PTPRE: variants seen among roughly 807,000 people sequenced by gnomAD.
The protein encoded by PTPRE is receptor-type tyrosine-protein phosphatase epsilon.
In PTPRE, 51 loss-of-function variants were observed where a neutral mutation model predicts 102.0. That is an observed-to-expected ratio of 0.50 (90% confidence interval 0.40 to 0.63). The LOEUF is 0.63. PTPRE is among the 30% of genes least tolerant of loss of function. The pLI, the probability that PTPRE is intolerant of heterozygous loss-of-function variation, is 0.00. For synonymous variants in PTPRE, 345 were observed against 348.2 expected (o/e 0.99, Z 0.10); for missense variants, 752 against 915.1 (o/e 0.82, Z 2.30).
chr10:128,076,483 T>A (rs3750893), intron 17 of PTPRE, 120 bp from the exon 18 acceptor site: 217,646 of 1,008,050 alleles, frequency 0.22, 26,861 homozygotes, highest in East Asian at 0.38. Context: ...TTCATATGTT[T>A]TTTTTTTTGG....
At chr10:128,000,625 C>G (rs1418866290) in intron 2 of PTPRE, among the ~76,000 whole-genome samples, 2 of 152,208 alleles carry the variant, frequency 1.3e-5, no homozygotes, top group Non-Finnish European at 2.9e-5. Context: ...TATATTATAG[C>G]TCACCTATGA....
intron 2 of PTPRE, 69 bp from the exon 3 acceptor site, chr10:128,040,806 C>T (rs905190838): frequency 2.4e-6 from 3 of 1,242,212 alleles, no homozygotes; most frequent in Non-Finnish European, 3.5e-6. Context: ...CTCATCATCA[C>T]TGCCTGGCAC....
At chr10:127,932,771 G>C (rs1192833981) in intron 1 of PTPRE, among the ~76,000 whole-genome samples, 1 of 151,378 alleles carries the variant, frequency 6.6e-6, no homozygotes, top group Non-Finnish European at 1.5e-5. Context: ...TCTGCTCATC[G>C]TCTCACTTGA....
rs764310170 is a variant in PTPRE at position 128,076,734 on chromosome 10, G to C, written c.1725+6G>C. 2.5e-6 allele frequency: 4 copies of C among 1,611,244 alleles called. No homozygotes were observed. Among genetic ancestry groups the C allele is most frequent in the Non-Finnish European group, 3.4e-6 (4 of 1,179,282 alleles). ...TTCTGGTCACTCTCAATCAGGTATT[G>C]TTGAAGTAGCTCTTTAAACGCTTGT... On this transcript the variant is annotated splice_donor_region_variant and intron_variant, in intron 18 of 20. Coordinates refer to ENST00000254667, the MANE Select transcript of PTPRE (RefSeq NM_006504.6).
intron 17 of PTPRE, among the ~76,000 whole-genome samples, chr10:128,073,989 T>A (rs1327663574): frequency 6.6e-6 from 1 of 152,192 alleles, no homozygotes; most frequent in Non-Finnish European, 1.5e-5. Flanking sequence ...TGAATTGGAG[T>A]ATATTCACAG....
chr10:127,986,925 CCTT>C (rs76470557), intron 2 of PTPRE, among the ~76,000 whole-genome samples: 14,685 of 152,078 alleles, frequency 0.097, 918 homozygotes, highest in East Asian at 0.2. Flanking sequence ...TTCCTATTTC[CCTT>C]CTTCTTCTTA....
chr10:127,919,891 C>T (rs2135173176), intron 1 of PTPRE, among the ~76,000 whole-genome samples: 1 of 151,940 alleles, frequency 6.6e-6, no homozygotes, highest in South Asian at 2.1e-4. Flanking sequence ...TCAGTGACAT[C>T]AATCGTGGTT....
At chr10:127,964,063 A>T (rs1850049021) in intron 1 of PTPRE, among the ~76,000 whole-genome samples, 1 of 151,880 alleles carries the variant, frequency 6.6e-6, no homozygotes. Flanking sequence ...TGTTGAGACC[A>T]CTCCTTGCAA....
At chr10:128,021,637 G>A (rs115221107) in intron 2 of PTPRE, among the ~76,000 whole-genome samples, 5,317 of 152,300 alleles carry the variant, frequency 0.035, 299 homozygotes, top group African/African-American at 0.12. Flanking sequence ...CCAAGCCAAT[G>A]AGTGGTCATG....
chr10:127,994,017 T>C (rs1852984992), intron 2 of PTPRE, among the ~76,000 whole-genome samples: 1 of 152,206 alleles, frequency 6.6e-6, no homozygotes, highest in Non-Finnish European at 1.5e-5. Flanking sequence ...CCCCGGCACA[T>C]GTCCCATTGC....
At chr10:128,006,805 A>G (rs1208805370) in intron 2 of PTPRE, among the ~76,000 whole-genome samples, 1 of 152,176 alleles carries the variant, frequency 6.6e-6, no homozygotes, top group Non-Finnish European at 1.5e-5. Flanking sequence ...ACTCTTTTAT[A>G]CCAGAAGAAA....
intron 2 of PTPRE, among the ~76,000 whole-genome samples, chr10:128,002,213 A>T (rs7913574): frequency 6.6e-6 from 1 of 152,058 alleles, no homozygotes; most frequent in African/African-American, 2.4e-5. Flanking sequence ...GAGTATGTGC[A>T]TATTCAGCTG....
chr10:128,002,829 G>C (rs1475655226), intron 2 of PTPRE, among the ~76,000 whole-genome samples: 1 of 150,876 alleles, frequency 6.6e-6, no homozygotes, highest in African/African-American at 2.4e-5. Context: ...AAGTAGCTGG[G>C]ACCACAGGCG....
intron 1 of PTPRE, among the ~76,000 whole-genome samples, chr10:127,969,575 C>G (rs1850533453): frequency 6.7e-6 from 1 of 150,272 alleles, no homozygotes; most frequent in African/African-American, 2.5e-5. Flanking sequence ...GGCTGAGGCA[C>G]AAGAATTGCT....
chr10:127,961,000 C>A (rs1299159901), intron 1 of PTPRE, among the ~76,000 whole-genome samples: 4 of 138,250 alleles, frequency 2.9e-5, no homozygotes, highest in Admixed American at 7.5e-5. Context: ...CAGCCTGGGC[C>A]AAAGACCCAG....
intron 6 of PTPRE, among the ~76,000 whole-genome samples, chr10:128,052,026 T>G (rs553736420): frequency 1.3e-5 from 2 of 152,216 alleles, no homozygotes; most frequent in African/African-American, 4.8e-5. Flanking sequence ...CCATGCCCAC[T>G]GGCTTTTTTA....
intron 7 of PTPRE, among the ~76,000 whole-genome samples, chr10:128,056,725 T>C (rs1848998731): frequency 6.6e-6 from 1 of 152,104 alleles, no homozygotes; most frequent in African/African-American, 2.4e-5. Context: ...ATCGACCTGA[T>C]TTAACCCCAG....
At chr10:127,951,021 G>A (rs1247711868) in intron 1 of PTPRE, among the ~76,000 whole-genome samples, 2 of 152,066 alleles carry the variant, frequency 1.3e-5, no homozygotes, top group African/African-American at 4.8e-5. Context: ...GGCTTGCAGT[G>A]AGCCAAGATT....
chr10:128,082,525 G>GT (rs528015137), intron 20 of PTPRE, among the ~76,000 whole-genome samples: 13,607 of 144,434 alleles, frequency 0.094, 840 homozygotes, highest in African/African-American at 0.18. Context: ...CTGGTTTTTT[G>GT]TTTTTTTTTT....
Sources: gnomAD v4.1 joint callset for allele counts (sites outside exome capture counted in the v4.1 genomes callset) on GRCh38, gnomAD v4.1.1 for gene constraint, MANE v1.5 for transcripts, NCBI Gene and HGNC (gene_info 2026-07-23, HGNC 2026-07-21) for gene names.